The following GSK3B variants were observed in gnomAD, a reference collection of about 807,000 sequenced individuals.
GSK3B encodes glycogen synthase kinase 3 beta.
Under a neutral mutation model 56.4 loss-of-function variants are expected in GSK3B, and 15 were observed. That is an observed-to-expected ratio of 0.27 (90% CI 0.18 to 0.41). The LOEUF is 0.41. GSK3B is among the 10% of genes least tolerant of loss of function. GSK3B has a pLI of 1.00. For missense variants in GSK3B, 300 were observed against 513.4 expected, an observed-to-expected ratio of 0.58 and a Z score of 4.02; for synonymous variants, 181 against 188.9, an observed-to-expected ratio of 0.96 and a Z score of 0.34.
chr3:119,971,022 G>A (rs1180528554), intron 2 of GSK3B, among the ~76,000 whole-genome samples: 4 of 152,102 alleles, frequency 2.6e-5, no homozygotes, highest in African/African-American at 9.7e-5. Context: ...TCCACTGTAT[G>A]ATTATATTCT....
At position 119,843,253 on chromosome 3, in the gene GSK3B, A is replaced by T; in HGVS notation, c.1195+2T>A. 6.3e-7 allele frequency: 1 copy of T among 1,590,238 alleles called. No homozygotes were observed. Among genetic ancestry groups the T allele is most frequent in the Non-Finnish European group, 8.6e-7 (1 of 1,160,660 alleles). ...TATAGAAGAGACTTAGAACGTTCTT[A>T]CCTGACGCTGCTGTGGCATTTGTGG... On this transcript the variant is annotated splice_donor_variant, in intron 10 of 10. Coordinates refer to ENST00000264235, the MANE Select transcript of GSK3B (RefSeq NM_001146156.2). LOFTEE classifies it high-confidence loss of function.
intron 3 of GSK3B, among the ~76,000 whole-genome samples, chr3:119,939,823 G>A (rs907554639): frequency 4.6e-5 from 7 of 152,150 alleles, no homozygotes; most frequent in African/African-American, 9.6e-5. Flanking sequence ...AAATGTTGAC[G>A]GCTCAGGCTT....
chr3:119,874,189 T>C (rs2056280531), intron 8 of GSK3B, among the ~76,000 whole-genome samples: 1 of 152,098 alleles, frequency 6.6e-6, no homozygotes, highest in Non-Finnish European at 1.5e-5. Flanking sequence ...AAATGCAGAA[T>C]TTGACACACA....
intron 1 of GSK3B, among the ~76,000 whole-genome samples, chr3:120,059,243 C>A (rs574804764): frequency 6.6e-6 from 1 of 152,228 alleles, no homozygotes; most frequent in East Asian, 1.9e-4. Context: ...TTTTGGGAAA[C>A]CCCAAACCTC....
At position 119,843,347 on chromosome 3, in the gene GSK3B, G is replaced by T; in HGVS notation, c.1103C>A (p.Ser368Ter). Reference protein sequence around the residue: ...ALFNFTTQELSSNPPLATILI... With the variant: ...ALFNFTTQEL ...GATGGTAGCCAGAGGTGGATTACTT[G>T]ACAGTTCTATAGAAGGTTAAGACAC... The change falls in exon 10 of 11, where the codon TCA (serine) becomes TAA (stop). Residue 368 changes from serine (S) to a stop codon, truncating the protein, a stop_gained. Transcript: ENST00000264235. LOFTEE classifies it high-confidence loss of function. 6.3e-7 allele frequency: 1 copy of T among 1,588,572 alleles called. No individual in the cohort carries two copies. Among genetic ancestry groups the T allele is most frequent in the South Asian group, 1.1e-5 (1 of 90,588 alleles).
At chr3:119,839,696 C>T (rs1307126940) in intron 10 of GSK3B, among the ~76,000 whole-genome samples, 1 of 152,150 alleles carries the variant, frequency 6.6e-6, no homozygotes, top group African/African-American at 2.4e-5. Flanking sequence ...CTACTGAAAA[C>T]AGGTTAAGTA....
chr3:119,839,699 G>A (rs1446249058), intron 10 of GSK3B, among the ~76,000 whole-genome samples: 1 of 152,144 alleles, frequency 6.6e-6, no homozygotes, highest in East Asian at 1.9e-4. Flanking sequence ...CTGAAAACAG[G>A]TTAAGTATTA....
At chr3:119,983,736 T>A (rs999338444) in intron 2 of GSK3B, among the ~76,000 whole-genome samples, 1 of 152,146 alleles carries the variant, frequency 6.6e-6, no homozygotes. Flanking sequence ...CAAAGAGACT[T>A]AGACTCCTAC....
chr3:120,077,000 AT>A (rs1377259831), intron 1 of GSK3B, among the ~76,000 whole-genome samples: 3 of 152,092 alleles, frequency 2.0e-5, no homozygotes, highest in Non-Finnish European at 4.4e-5. Context: ...TATCAAAAAA[AT>A]AAAAATAAAA....
intron 1 of GSK3B, among the ~76,000 whole-genome samples, chr3:120,037,205 A>G (rs926461049): frequency 6.6e-6 from 1 of 152,238 alleles, no homozygotes; most frequent in African/African-American, 2.4e-5. Context: ...ACCCTTGTTT[A>G]TCTTACTGGC....
chr3:119,917,437 T>C (rs1374799769), intron 4 of GSK3B, among the ~76,000 whole-genome samples: 3 of 152,160 alleles, frequency 2.0e-5, no homozygotes, highest in Non-Finnish European at 2.9e-5. Flanking sequence ...TAGGTATCCA[T>C]GTAACATTTT....
chr3:119,940,189 G>A (rs1439755472), intron 3 of GSK3B, among the ~76,000 whole-genome samples: 1 of 150,876 alleles, frequency 6.6e-6, no homozygotes, highest in Non-Finnish European at 1.5e-5. Context: ...TAAAACACAA[G>A]TATATATATT....
intron 1 of GSK3B, among the ~76,000 whole-genome samples, chr3:120,088,310 GA>G (rs1276264534): frequency 6.6e-6 from 1 of 152,066 alleles, no homozygotes; most frequent in Non-Finnish European, 1.5e-5. Flanking sequence ...TAAAAAAATA[GA>G]AAACTCAATA....
At chr3:120,057,729 T>C (rs532716727) in intron 1 of GSK3B, among the ~76,000 whole-genome samples, 39 of 152,284 alleles carry the variant, frequency 2.6e-4, no homozygotes, top group African/African-American at 9.1e-4. Context: ...GCATTTTACA[T>C]GCCTTGTCAC....
At chr3:119,989,515 G>GGC (rs2057544144) in intron 2 of GSK3B, among the ~76,000 whole-genome samples, 1 of 151,784 alleles carries the variant, frequency 6.6e-6, no homozygotes, top group Non-Finnish European at 1.5e-5. Flanking sequence ...CGTACAGGCA[G>GGC]GCGCCTGTAG....
chr3:119,828,879 T>G (rs1335677832), intron 10 of GSK3B, among the ~76,000 whole-genome samples: 1 of 152,238 alleles, frequency 6.6e-6, no homozygotes, highest in African/African-American at 2.4e-5. Flanking sequence ...CTGCTTCTAA[T>G]CTTGTTGTCA....
chr3:119,946,732 C>T (rs913293620), intron 3 of GSK3B, among the ~76,000 whole-genome samples: 2 of 152,230 alleles, frequency 1.3e-5, no homozygotes, highest in East Asian at 3.9e-4. Flanking sequence ...CCTTTGGTTT[C>T]GCAGAATTCA....
intron 9 of GSK3B, among the ~76,000 whole-genome samples, chr3:119,853,447 T>C (rs2055968455): frequency 6.6e-6 from 1 of 152,186 alleles, no homozygotes; most frequent in Non-Finnish European, 1.5e-5. Flanking sequence ...GTTCTTTCCA[T>C]TTCTGTGAAG....
At chr3:119,831,390 G>T (rs189672835) in intron 10 of GSK3B, among the ~76,000 whole-genome samples, 1 of 152,126 alleles carries the variant, frequency 6.6e-6, no homozygotes, top group African/African-American at 2.4e-5. Flanking sequence ...GGGCGCGGTG[G>T]CTCATGACTG....
Sources: gnomAD v4.1 joint callset for allele counts (sites outside exome capture counted in the v4.1 genomes callset) on GRCh38, gnomAD v4.1.1 for gene constraint, MANE v1.5 for transcripts, NCBI Gene and HGNC (gene_info 2026-07-23, HGNC 2026-07-21) for gene names.